DCDC1: variants seen among roughly 807,000 people sequenced by gnomAD.
The protein encoded by DCDC1 is doublecortin domain-containing protein 1.
Under a neutral mutation model 178.3 loss-of-function variants are expected in DCDC1, and 200 were observed. That is an observed-to-expected ratio of 1.12 (90% CI 1.00 to 1.26). DCDC1 has a LOEUF of 1.26. Ranked by LOEUF, DCDC1 falls within the 50% of genes most tolerant of loss-of-function variation. The probability of loss-of-function intolerance (pLI) is 0.00; values close to 1 mark genes in which losing one functional copy is unlikely to be tolerated. For synonymous variants in DCDC1, 690 were observed against 604.8 expected, an observed-to-expected ratio of 1.14 and a Z score of -2.07; for missense variants, 1,983 against 1,749.2, an observed-to-expected ratio of 1.13 and a Z score of -2.38.
chr11:31,151,255 T>C (rs970657748), intron 9 of DCDC1, among the ~76,000 whole-genome samples: 2 of 152,132 alleles, frequency 1.3e-5, no homozygotes, highest in African/African-American at 4.8e-5. Flanking sequence ...CACCAGAAAA[T>C]ATGATAAAAT....
intron 9 of DCDC1, among the ~76,000 whole-genome samples, chr11:31,215,788 T>C (rs966441167): frequency 4.1e-5 from 6 of 148,078 alleles, no homozygotes; most frequent in African/African-American, 1.5e-4. Flanking sequence ...CAAGACTCCA[T>C]CTAAAAAAAA....
chr11:31,023,887 CT>C (rs1953055699), intron 20 of DCDC1, among the ~76,000 whole-genome samples: 1 of 151,958 alleles, frequency 6.6e-6, no homozygotes, highest in South Asian at 2.1e-4. Context: ...AAGAGCTAAA[CT>C]TAAAACATTC....
At chr11:31,081,286 A>G (rs1957152037) in intron 17 of DCDC1, among the ~76,000 whole-genome samples, 1 of 152,336 alleles carries the variant, frequency 6.6e-6, no homozygotes, top group South Asian at 2.1e-4. Flanking sequence ...ATAGATGGCT[A>G]AAGAAGATAA....
intron 9 of DCDC1, among the ~76,000 whole-genome samples, chr11:31,148,193 G>A (rs1310592971): frequency 1.5e-5 from 2 of 133,932 alleles, no homozygotes; most frequent in Admixed American, 8.2e-5. Context: ...ATGTGTAAGA[G>A]CTAGAATTTA....
At chr11:30,971,824 T>C (rs559201568) in intron 20 of DCDC1, among the ~76,000 whole-genome samples, 1 of 152,194 alleles carries the variant, frequency 6.6e-6, no homozygotes, top group Middle Eastern at 3.4e-3. Context: ...TTAGCCACGA[T>C]GGTCTCGATC....
At chr11:31,327,791 G>T (rs1173842182) in intron 3 of DCDC1, among the ~76,000 whole-genome samples, 1 of 151,952 alleles carries the variant, frequency 6.6e-6, no homozygotes, top group Admixed American at 6.6e-5. Context: ...CAAGTGGCAT[G>T]ATCTCAGCTC....
intron 1 of DCDC1, among the ~76,000 whole-genome samples, chr11:31,362,122 A>G (rs1951737653): frequency 6.6e-6 from 1 of 152,164 alleles, no homozygotes; most frequent in Non-Finnish European, 1.5e-5. Context: ...AATATTATGT[A>G]TATATATGTA....
intron 20 of DCDC1, among the ~76,000 whole-genome samples, chr11:30,981,276 C>T (rs1950382627): frequency 6.6e-6 from 1 of 152,002 alleles, no homozygotes; most frequent in African/African-American, 2.4e-5. Flanking sequence ...ACTAGAACCC[C>T]AAATCTCACC....
intron 8 of DCDC1, among the ~76,000 whole-genome samples, chr11:31,261,412 A>T (rs1186506275): frequency 1.3e-5 from 2 of 152,182 alleles, no homozygotes; most frequent in Non-Finnish European, 2.9e-5. Context: ...TTATGCATAG[A>T]TACATAATCG....
chr11:31,255,930 T>C (rs1343251863), intron 8 of DCDC1, among the ~76,000 whole-genome samples: 5 of 152,166 alleles, frequency 3.3e-5, no homozygotes, highest in African/African-American at 9.7e-5. Flanking sequence ...TGAACCTATG[T>C]TTATTTCTGA....
chr11:31,186,626 A>G (rs1298806995), intron 9 of DCDC1, among the ~76,000 whole-genome samples: 1 of 152,198 alleles, frequency 6.6e-6, no homozygotes, highest in Non-Finnish European at 1.5e-5. Context: ...AGACAGTGCC[A>G]ATTAACAAGC....
At position 30,905,168 on chromosome 11, in the gene DCDC1, AT is replaced by A. The variant is rs990254293; in HGVS notation, c.4105-5del. 6.4e-6 allele frequency: 10 copies of A among 1,565,170 alleles called. No homozygotes were observed. The highest frequency in any genetic ancestry group is 8.7e-6 in the Non-Finnish European group (10 of 1,153,392). On this transcript the variant is annotated splice_region_variant and splice_polypyrimidine_tract_variant and intron_variant, in intron 30 of 38. Coordinates refer to ENST00000684477, the MANE Select transcript of DCDC1 (RefSeq NM_001387274.1). ...CCTTGTCACACGACAAATCAACCTA[AT>A]TTTTTAAAAAATAAATTGTACATTT...
intron 9 of DCDC1, among the ~76,000 whole-genome samples, chr11:31,173,550 C>T (rs971155921): frequency 6.6e-6 from 1 of 152,048 alleles, no homozygotes; most frequent in Non-Finnish European, 1.5e-5. Flanking sequence ...GGCACCATTT[C>T]AATTGGAGAA....
chr11:30,947,677 C>T (rs957709752), intron 21 of DCDC1, among the ~76,000 whole-genome samples: 2 of 152,006 alleles, frequency 1.3e-5, no homozygotes, highest in Non-Finnish European at 2.9e-5. Context: ...TGAGTAACAG[C>T]ACAAAAGCAC....
At chr11:31,084,563 T>C (rs930685487) in intron 17 of DCDC1, among the ~76,000 whole-genome samples, 1 of 152,096 alleles carries the variant, frequency 6.6e-6, no homozygotes, top group Non-Finnish European at 1.5e-5. Context: ...GGCTCCACCT[T>C]GGATTTCGCT....
chr11:31,022,643 TTGTG>T (rs4067986), intron 20 of DCDC1, among the ~76,000 whole-genome samples: 2,642 of 121,004 alleles, frequency 0.022, 55 homozygotes, highest in Admixed American at 0.09. Flanking sequence ...GTCTTTTAGT[TTGTG>T]TGTGTGTGTG....
intron 21 of DCDC1, 68 bp downstream of exon 21, chr11:30,952,377 G>A (rs2134485304): frequency 2.9e-6 from 4 of 1,380,750 alleles, no homozygotes; most frequent in Middle Eastern, 1.9e-4. Flanking sequence ...AAGTTGTCAG[G>A]AATTTGACCA....
intron 1 of DCDC1, among the ~76,000 whole-genome samples, chr11:31,363,791 G>A (rs573915572): frequency 1.1e-4 from 16 of 151,904 alleles, no homozygotes; most frequent in African/African-American, 2.9e-4. Context: ...TAAACTTTTC[G>A]AAAAAAATTC....
In DCDC1 at chr11:30,906,665, G is replaced by A. The variant is rs369824052; in HGVS notation, c.3979C>T (p.Gln1327Ter). The change falls in exon 30 of 39, where the codon CAA (glutamine) becomes TAA (stop). Residue 1327 changes from glutamine (Q) to a stop codon, truncating the protein, a stop_gained. Transcript: ENST00000684477. LOFTEE classifies it high-confidence loss of function. ...RKTMLCLACG[Q>*]SMRTEKGLKQ... ...AGTCCTTTCTCTGTTCTCATGGATT[G>A]TCCACAAGCCAAGCAGAGCATAGTT... is the stretch of plus-strand genomic sequence containing the variant. The A allele has an allele frequency of 6.2e-7, 1 of 1,613,636 alleles. No individual in the cohort carries two copies.
Sources: allele counts gnomAD v4.1 joint callset (sites outside exome capture counted in the v4.1 genomes callset), GRCh38; gene constraint gnomAD v4.1.1; transcripts MANE v1.5; gene names NCBI Gene and HGNC (gene_info 2026-07-23, HGNC 2026-07-21).